ABCD3: variants seen among roughly 807,000 people sequenced by gnomAD.
The protein encoded by ABCD3 is ATP binding cassette subfamily D member 3, also known as ATP-binding cassette sub-family D member 3.
In ABCD3, 41 loss-of-function variants were observed where a neutral mutation model predicts 105.5. That is an observed-to-expected ratio of 0.39 (90% confidence interval 0.30 to 0.50). The LOEUF (loss-of-function observed/expected upper bound fraction) is 0.50, where lower values mean the gene tolerates loss of function less well. ABCD3 is among the 20% of genes least tolerant of loss of function. ABCD3 has a pLI of 0.84. For missense variants in ABCD3, 622 were observed against 806.3 expected (o/e 0.77, Z 2.77); for synonymous variants, 258 against 269.0 (o/e 0.96, Z 0.40).
chr1:94,448,039 T>C (rs1223120504), intron 1 of ABCD3, among the ~76,000 whole-genome samples: 4 of 152,098 alleles, frequency 2.6e-5, no homozygotes, highest in African/African-American at 9.7e-5. Flanking sequence ...CTCAAATAAA[T>C]AGAATAGATC....
the ABCD3 span, among the ~76,000 whole-genome samples, chr1:94,407,725 C>T: frequency 1.3e-5 from 2 of 152,172 alleles, no homozygotes; most frequent in South Asian, 2.1e-4. Flanking sequence ...ATTCCTGCTG[C>T]TAAAGCGATG....
intron 21 of ABCD3, among the ~76,000 whole-genome samples, chr1:94,512,981 G>C (rs1212326090): frequency 2.0e-5 from 3 of 152,024 alleles, no homozygotes; most frequent in Non-Finnish European, 4.4e-5. Context: ...TCACCTAGGG[G>C]TTTGTTAGAA....
chr1:94,489,985 G>GA lies in ABCD3; in HGVS notation c.1322+15dup, dbSNP rs770774023. 7.5e-6 allele frequency: 12 copies of GA among 1,610,622 alleles called. No homozygotes were observed. Among genetic ancestry groups the GA allele is most frequent in the Middle Eastern group, 1.7e-4 (1 of 5,956 alleles). ...CAGATAACATTATAAAGTACGTACA[G>GA]AAAAAGGTCTTTTAGCACCATAAAT... On this transcript the variant is annotated intron_variant, in intron 15 of 22. Transcript: ENST00000370214.
chr1:94,418,962 G>A, intron 1 of ABCD3: 1 of 290,054 alleles, frequency 3.4e-6, no homozygotes, highest in Non-Finnish European at 6.6e-6. Context: ...GTGTGTTCTG[G>A]TTTTGCCATC....
In ABCD3 at chr1:94,440,048, A is replaced by AT. The variant is rs976546083; in HGVS notation, c.111-18553dup. On this transcript the variant is annotated intron_variant, in intron 1 of 22. Coordinates refer to ENST00000370214, the MANE Select transcript of ABCD3 (RefSeq NM_002858.4). ...TGTGCCTGGCTAGCATTGCTTCTTA[A>AT]TTTTTTCTGGATTATTTTGACATCA... Among the ~76,000 whole-genome samples, 16 of 152,026 alleles carry AT rather than the reference A, an allele frequency of 1.1e-4. 1 individual carries two copies. The highest frequency in any genetic ancestry group is 4.8e-5 in the African/African-American group (2 of 41,452).
chr1:94,474,181 C>G (rs1648619873), intron 5 of ABCD3, among the ~76,000 whole-genome samples: 1 of 141,146 alleles, frequency 7.1e-6, no homozygotes, highest in South Asian at 2.2e-4. Flanking sequence ...TCTCCTAGTT[C>G]TAACAACCAG....
rs1649525739 is a variant in ABCD3, at chr1:94,491,313, C to T, written c.1386+66C>T. 3.3e-6 allele frequency: 4 copies of T among 1,214,324 alleles called. No homozygotes were observed. In the East Asian group the frequency reaches 7.1e-5, roughly 22 times the overall value. 75.2% of individuals were successfully genotyped at this position (1,214,324 alleles called of 1,614,324 possible). On this transcript the variant is annotated intron_variant, in intron 16 of 22. Coordinates refer to ENST00000370214, the MANE Select transcript of ABCD3 (RefSeq NM_002858.4). ...TAAAATGTGAACTGAAAAAGATTAC[C>T]TGAATATTTAAAGTAACTTTAAGGC...
At chr1:94,510,239 C>T (rs1171421664) in intron 21 of ABCD3, among the ~76,000 whole-genome samples, 1 of 151,918 alleles carries the variant, frequency 6.6e-6, no homozygotes, top group Non-Finnish European at 1.5e-5. Context: ...GCCTTCATTT[C>T]GTTATGTACC....
chr1:94,501,347 A>G (rs766694452), intron 20 of ABCD3, among the ~76,000 whole-genome samples: 7 of 152,038 alleles, frequency 4.6e-5, no homozygotes, highest in Non-Finnish European at 7.4e-5. Flanking sequence ...ACCACTGCAT[A>G]TATAACTGGA....
intron 16 of ABCD3, among the ~76,000 whole-genome samples, chr1:94,492,473 G>A (rs544357670): frequency 4.6e-5 from 7 of 152,188 alleles, no homozygotes; most frequent in Admixed American, 6.6e-5. Context: ...GTATTCTATC[G>A]TTATCATATT....
chr1:94,411,710 A>C, the ABCD3 span, among the ~76,000 whole-genome samples: 5 of 152,334 alleles, frequency 3.3e-5, no homozygotes, highest in Admixed American at 3.3e-4. Context: ...TCATTGTAGA[A>C]CTATTCAAAT....
At chr1:94,420,583 G>T (rs1164100388) in intron 1 of ABCD3, among the ~76,000 whole-genome samples, 2 of 152,136 alleles carry the variant, frequency 1.3e-5, no homozygotes, top group Non-Finnish European at 2.9e-5. Context: ...TTTGTTGGAG[G>T]AGATTGCAGA....
At chr1:94,451,459 G>C (rs1239223823) in intron 1 of ABCD3, among the ~76,000 whole-genome samples, 2 of 152,118 alleles carry the variant, frequency 1.3e-5, no homozygotes, top group African/African-American at 4.8e-5. Flanking sequence ...CTTAAACCAA[G>C]TTCCTTGAGA....
chr1:94,431,659 C>T (rs936684046), intron 1 of ABCD3, among the ~76,000 whole-genome samples: 1 of 152,094 alleles, frequency 6.6e-6, no homozygotes, highest in African/African-American at 2.4e-5. Context: ...TTCCTGGGCT[C>T]AATTGATCCT....
At position 94,483,320 on chromosome 1, in the gene ABCD3, T is replaced by TAC. The variant is rs1020169848; in HGVS notation, c.897+93_897+94dup. On this transcript the variant is annotated intron_variant, in intron 10 of 22. Transcript: ENST00000370214. ...TTGTTTTGCCTATGGCCGACACACA[T>TAC]ACACACACACACAAACACACACGTA... is the stretch of plus-strand genomic sequence containing the variant. 40 of 994,868 alleles carry TAC rather than the reference T, an allele frequency of 4.0e-5. 1 individual carries two copies. The highest frequency in any genetic ancestry group is 5.1e-5 in the Non-Finnish European group (32 of 621,648). The allele number at this position is 994,868 out of a possible 1,614,324, so 61.6% of individuals were successfully genotyped here.
chr1:94,501,875 C>CTTT (rs4148064), intron 20 of ABCD3, among the ~76,000 whole-genome samples: 2 of 146,850 alleles, frequency 1.4e-5, no homozygotes, highest in Non-Finnish European at 1.5e-5. Flanking sequence ...TTTTGTAAAT[C>CTTT]TTTTTTTTTT....
rs577755089 is a variant in ABCD3, at chr1:94,486,049, G to A, written c.898-1493G>A. 3.3e-4 allele frequency among the ~76,000 whole-genome samples: 50 copies of A among 152,066 alleles called. 1 individual carries two copies. The highest frequency in any genetic ancestry group is 3.4e-3 in the Middle Eastern group (1 of 294). ...TCTACTAAAAATACAAAAATTAGCC[G>A]GTTGTTGTGGCGGGGGCCTATAATC... On this transcript the variant is annotated intron_variant, in intron 10 of 22. Coordinates refer to ENST00000370214, the MANE Select transcript of ABCD3 (RefSeq NM_002858.4).
intron 2 of ABCD3, among the ~76,000 whole-genome samples, chr1:94,458,979 C>T (rs1191823147): frequency 7.3e-6 from 1 of 136,116 alleles, no homozygotes; most frequent in Non-Finnish European, 1.6e-5. Context: ...TCCTCCACCT[C>T]CCCTCTCCTT....
At chr1:94,413,772 G>A (rs1203782326), upstream of ABCD3, among the ~76,000 whole-genome samples, 1 of 152,130 alleles carries the variant, frequency 6.6e-6, no homozygotes, top group Admixed American at 6.6e-5. Context: ...CCAGAGAAAT[G>A]ATTGGCAGGT....
Sources: allele counts gnomAD v4.1 joint callset (sites outside exome capture counted in the v4.1 genomes callset), GRCh38; gene constraint gnomAD v4.1.1; transcripts MANE v1.5; gene names NCBI Gene and HGNC (gene_info 2026-07-23, HGNC 2026-07-21).